ANTXR2: variants seen among roughly 807,000 people sequenced by gnomAD.
The protein encoded by ANTXR2 is anthrax toxin receptor 2.
Under a neutral mutation model 73.7 loss-of-function variants are expected in ANTXR2, and 44 were observed. That is an observed-to-expected ratio of 0.60 (90% CI 0.47 to 0.77). The LOEUF (loss-of-function observed/expected upper bound fraction) is 0.77, where lower values mean the gene tolerates loss of function less well. Ranked by LOEUF, ANTXR2 falls within the 30% of genes least tolerant of loss-of-function variation. The pLI, the probability that ANTXR2 is intolerant of heterozygous loss-of-function variation, is 0.00. For missense variants in ANTXR2, 604 were observed against 592.5 expected (o/e 1.02, Z -0.20); for synonymous variants, 217 against 205.9 (o/e 1.05, Z -0.46).
At chr4:80,024,719 C>T in intron 10 of ANTXR2, 1 of 452,034 alleles carries the variant, frequency 2.2e-6, no homozygotes, top group South Asian at 1.6e-5. Flanking sequence ...TCAGATCATG[C>T]CACTTCACTC....
intron 16 of ANTXR2, among the ~76,000 whole-genome samples, chr4:79,974,632 G>C (rs976647444): frequency 1.3e-5 from 2 of 151,780 alleles, no homozygotes; most frequent in African/African-American, 2.4e-5. Flanking sequence ...ATGATTAGGA[G>C]ATGATGCTTT....
chr4:80,001,207 G>A (rs928869398), intron 12 of ANTXR2, among the ~76,000 whole-genome samples: 2 of 151,846 alleles, frequency 1.3e-5, no homozygotes, highest in Non-Finnish European at 2.9e-5. Flanking sequence ...GGGTACATGT[G>A]CACATTGTGC....
intron 16 of ANTXR2, 195 bp downstream of exon 16, chr4:79,977,425 TA>T: frequency 2.6e-6 from 3 of 1,145,808 alleles, no homozygotes; most frequent in African/African-American, 1.6e-5. Context: ...GGGAATGGTG[TA>T]AAAATGTAGT....
Position 79,949,219 on chromosome 4 carries a change from C to T in ANTXR2, c.1428+28402G>A, listed in dbSNP as rs1312172743. On this transcript the variant is annotated intron_variant, in intron 16 of 16. Coordinates refer to ENST00000403729, the MANE Select transcript of ANTXR2 (RefSeq NM_058172.6). ...AAACAGGATGAGAACACAGAAATAA[C>T]ATGGGTTTGGCACATTATGACATGA... Among the ~76,000 whole-genome samples the T allele has an allele frequency of 1.3e-5, 2 of 152,094 alleles. 1 individual carries two copies. The highest frequency in any genetic ancestry group is 2.9e-5 in the Non-Finnish European group (2 of 68,006).
rs919099773 is a variant in ANTXR2, at chr4:79,977,655, C to A, written c.1394G>T (p.Arg465Leu). Reference protein sequence around the residue: ...LWALLRRQYDRVSLMRPQEGD... With the variant: ...LWALLRRQYDLVSLMRPQEGD... ...TTCCTGAGGTCGCATCAAAGAAACC[C>A]GGTCATACTGCCGCCTCAACAAAGC... Residue 465 changes from arginine (R) to leucine (L), a missense_variant, in exon 16 of 17, where the codon CGG becomes CTG. Physicochemically the swap from Arg to Leu is moderately radical, Grantham distance 102 (BLOSUM62 -2). Transcript: ENST00000403729. The A allele has an allele frequency of 1.3e-6, 2 of 1,581,632 alleles. No homozygotes were observed. Among genetic ancestry groups the A allele is most frequent in the East Asian group, 2.3e-5 (1 of 43,680 alleles).
chr4:79,984,784 A>T (rs779538503), intron 13 of ANTXR2, 35 bp downstream of exon 13: 2 of 1,579,364 alleles, frequency 1.3e-6, no homozygotes, highest in Non-Finnish European at 1.7e-6. Context: ...TGGAAAAAAA[A>T]AACAGCCATA....
rs1460188390 is a variant in ANTXR2, at chr4:79,907,605, T to C, written c.1429-138A>G. 1.6e-5 allele frequency: 14 copies of C among 884,306 alleles called. No homozygotes were observed. In the East Asian group the frequency reaches 3.2e-4, roughly 20 times the overall value. 54.8% of individuals were successfully genotyped at this position (884,306 alleles called of 1,614,324 possible). ...GTTAACTTGAGACATGAAGTCATAA[T>C]TTTTTTTTCTTGGGTTAAAGCATGA... On this transcript the variant is annotated intron_variant, in intron 16 of 16. Coordinates refer to ENST00000403729, the MANE Select transcript of ANTXR2 (RefSeq NM_058172.6).
chr4:80,064,795 G>A (rs564428150), intron 3 of ANTXR2, among the ~76,000 whole-genome samples: 2 of 152,314 alleles, frequency 1.3e-5, no homozygotes, highest in African/African-American at 4.8e-5. Context: ...GACCACTTGA[G>A]CTAGACTGTG....
chr4:79,935,606 C>T (rs555991279), intron 16 of ANTXR2, among the ~76,000 whole-genome samples: 6 of 152,196 alleles, frequency 3.9e-5, no homozygotes, highest in African/African-American at 1.4e-4. Context: ...GAAGAAGAAG[C>T]AAAGTGCAAG....
At chr4:79,911,461 G>T (rs1209887199) in intron 16 of ANTXR2, among the ~76,000 whole-genome samples, 2 of 151,140 alleles carry the variant, frequency 1.3e-5, no homozygotes, top group African/African-American at 4.9e-5. Context: ...ATATATAGAA[G>T]AATACATATA....
At chr4:79,927,157 G>A (rs1240530510) in intron 16 of ANTXR2, among the ~76,000 whole-genome samples, 3 of 151,178 alleles carry the variant, frequency 2.0e-5, no homozygotes, top group East Asian at 1.9e-4. Context: ...TGTGGCAAGC[G>A]AACAAAAACA....
intron 16 of ANTXR2, among the ~76,000 whole-genome samples, chr4:79,922,780 T>C (rs779788684): frequency 1.6e-4 from 25 of 151,944 alleles, no homozygotes; most frequent in African/African-American, 5.1e-4. Context: ...TGTAGATACA[T>C]AGATAACACA....
In ANTXR2 at chr4:80,050,651, C is replaced by A. The variant is rs187502326; in HGVS notation, c.636+3621G>T. ...CAGAGAAATTACATTGCCGGACATA[C>A]CCCAGGTCACTTGGCAAGACAGAGT... is the stretch of plus-strand genomic sequence containing the variant. On this transcript the variant is annotated intron_variant, in intron 7 of 16. Coordinates refer to ENST00000403729, the MANE Select transcript of ANTXR2 (RefSeq NM_058172.6). Among the ~76,000 whole-genome samples the A allele has an allele frequency of 2.0e-3, 306 of 151,720 alleles. 1 individual carries two copies. The highest frequency in any genetic ancestry group is 6.8e-3 in the Middle Eastern group (2 of 294).
intron 7 of ANTXR2, among the ~76,000 whole-genome samples, chr4:80,043,648 C>A (rs1017231909): frequency 6.6e-6 from 1 of 151,868 alleles, no homozygotes; most frequent in African/African-American, 2.4e-5. Context: ...TTCTATTTGG[C>A]AAGGGAGAAG....
rs751573918 is a variant in ANTXR2 at position 80,072,448 on chromosome 4, G to A, written c.113C>T (p.Ser38Phe). 2 of 1,607,604 alleles carry A rather than the reference G, an allele frequency of 1.2e-6. No individual in the cohort carries two copies. The highest frequency in any genetic ancestry group is 1.3e-5 in the African/African-American group (1 of 74,104). The change falls in exon 1 of 17, where the codon TCC (serine) becomes TTC (phenylalanine). Residue 38 changes from serine to phenylalanine, a missense_variant. Ser to Phe is a radical substitution (Grantham distance 155). Coordinates refer to ENST00000403729, the MANE Select transcript of ANTXR2 (RefSeq NM_058172.6). Reference sequence around the variant, plus strand: ...GTAGAGATCAAAGGCTCTTCTGCAGGAGGGCTGCTCCTGGGCGCGCAGCAG... The same window carrying A: ...GTAGAGATCAAAGGCTCTTCTGCAGAAGGGCTGCTCCTGGGCGCGCAGCAG... The part of the protein sequence containing the change: ...GGLLRAQEQP[S>F]CRRAFDLYFV...
At chr4:79,955,114 G>A (rs1728841741) in intron 16 of ANTXR2, among the ~76,000 whole-genome samples, 1 of 152,154 alleles carries the variant, frequency 6.6e-6, no homozygotes, top group Admixed American at 6.6e-5. Flanking sequence ...AATGACAATG[G>A]AGATAATCTA....
intron 10 of ANTXR2, chr4:80,024,690 A>T (rs1323986252): frequency 2.2e-6 from 1 of 453,900 alleles, no homozygotes; most frequent in East Asian, 7.0e-5. Context: ...TGAGCCAGAA[A>T]GGCCAAAAGT....
At chr4:79,976,137 C>T (rs935299666) in intron 16 of ANTXR2, among the ~76,000 whole-genome samples, 14 of 151,978 alleles carry the variant, frequency 9.2e-5, no homozygotes, top group Non-Finnish European at 1.9e-4. Flanking sequence ...TGGTCTCGAT[C>T]TCCTGACCTC....
Position 79,903,352 on chromosome 4 carries a change from C to T in ANTXR2, c.*4077G>A, listed in dbSNP as rs964060159. The T allele has an allele frequency of 3.2e-5, 3 of 93,148 alleles. No homozygotes were observed. The highest frequency in any genetic ancestry group is 7.0e-5 in the African/African-American group (2 of 28,690). The allele number at this position is 93,148 out of a possible 1,614,324, so 5.8% of individuals were successfully genotyped here. On this transcript the variant is annotated 3_prime_UTR_variant, in exon 17 of 17. Coordinates refer to ENST00000403729, the MANE Select transcript of ANTXR2 (RefSeq NM_058172.6). ...CATTGAGTCAATTCTCCCTCTGTTTCTCTCTCTCTCTCTCTCTCTCACACA... is the reference window on the plus strand; with the variant it reads ...CATTGAGTCAATTCTCCCTCTGTTTTTCTCTCTCTCTCTCTCTCTCACACA...
Sources: allele counts gnomAD v4.1 joint callset (sites outside exome capture counted in the v4.1 genomes callset), GRCh38; gene constraint gnomAD v4.1.1; transcripts MANE v1.5; gene names NCBI Gene and HGNC (gene_info 2026-07-23, HGNC 2026-07-21).